KCNIP4: variants seen among roughly 807,000 people sequenced by gnomAD.
The protein encoded by KCNIP4 is potassium voltage-gated channel interacting protein 4.
A neutral mutation model predicts 34.0 loss-of-function variants in KCNIP4; 12 were observed. The observed-to-expected ratio is 0.35, with a 90% CI of 0.23 to 0.57. The LOEUF is 0.57. Among genes scored for constraint, KCNIP4 ranks in the 20% least tolerant of loss-of-function variants. The pLI is 0.83. For synonymous variants in KCNIP4, 124 were observed against 102.2 expected, an observed-to-expected ratio of 1.21 and a Z score of -1.29; for missense variants, 238 against 311.7, an observed-to-expected ratio of 0.76 and a Z score of 1.78.
chr4:21,075,404 G>T (rs937584914), intron 1 of KCNIP4, among the ~76,000 whole-genome samples: 1 of 152,014 alleles, frequency 6.6e-6, no homozygotes, highest in Non-Finnish European at 1.5e-5. Flanking sequence ...GGCCTTCTTT[G>T]TCTCTTTTGA....
chr4:21,280,795 G>A (rs992305173), intron 1 of KCNIP4, among the ~76,000 whole-genome samples: 10 of 152,276 alleles, frequency 6.6e-5, no homozygotes, highest in Non-Finnish European at 8.8e-5. Flanking sequence ...TCACTACATG[G>A]TAGTACTGGG....
chr4:20,831,255 T>C (rs1369589895), intron 3 of KCNIP4, among the ~76,000 whole-genome samples: 1 of 152,202 alleles, frequency 6.6e-6, no homozygotes, highest in Non-Finnish European at 1.5e-5. Flanking sequence ...AAGTGGATAA[T>C]AATATCTCCA....
intron 1 of KCNIP4, among the ~76,000 whole-genome samples, chr4:21,757,377 G>A (rs1389631114): frequency 6.6e-6 from 1 of 152,158 alleles, no homozygotes; most frequent in East Asian, 1.9e-4. Context: ...TCTGACAACA[G>A]AGAACGTAAG....
chr4:21,028,919 A>C (rs1411950833), intron 1 of KCNIP4, among the ~76,000 whole-genome samples: 4 of 152,310 alleles, frequency 2.6e-5, no homozygotes, highest in South Asian at 2.1e-4. Flanking sequence ...AGTGAACTTC[A>C]TGTTGCTCTA....
chr4:21,512,558 TAAG>T (rs1181222856), intron 1 of KCNIP4, among the ~76,000 whole-genome samples: 6 of 152,080 alleles, frequency 3.9e-5, no homozygotes, highest in Non-Finnish European at 8.8e-5. Flanking sequence ...AGCAGAGACT[TAAG>T]AAGTGGAAAA....
chr4:21,146,824 T>C (rs982467435), intron 1 of KCNIP4, among the ~76,000 whole-genome samples: 2 of 152,216 alleles, frequency 1.3e-5, no homozygotes, highest in Non-Finnish European at 2.9e-5. Context: ...CTAAGCATAA[T>C]TGAAGTCATA....
At chr4:21,571,944 T>C (rs995349649) in intron 1 of KCNIP4, among the ~76,000 whole-genome samples, 2 of 152,154 alleles carry the variant, frequency 1.3e-5, no homozygotes, top group East Asian at 1.9e-4. Context: ...CACTATTTCA[T>C]TGAAGAAACA....
intron 1 of KCNIP4, among the ~76,000 whole-genome samples, chr4:21,865,593 G>T (rs1725366690): frequency 6.6e-6 from 1 of 151,996 alleles, no homozygotes; most frequent in Non-Finnish European, 1.5e-5. Flanking sequence ...GCCCAGGCTG[G>T]AGTGCAATGG....
chr4:20,935,172 C>T (rs925367966), intron 1 of KCNIP4, among the ~76,000 whole-genome samples: 1 of 152,148 alleles, frequency 6.6e-6, no homozygotes, highest in African/African-American at 2.4e-5. Context: ...AAAGGTCATA[C>T]TCATAGGGTC....
intron 1 of KCNIP4, among the ~76,000 whole-genome samples, chr4:21,028,433 T>C (rs527331160): frequency 6.6e-6 from 1 of 152,300 alleles, no homozygotes; most frequent in African/African-American, 2.4e-5. Flanking sequence ...GGCTTCCATA[T>C]TCCTCTGGCT....
intron 1 of KCNIP4, among the ~76,000 whole-genome samples, chr4:21,036,978 G>A (rs1008488248): frequency 3.3e-5 from 5 of 151,978 alleles, no homozygotes; most frequent in Admixed American, 2.0e-4. Context: ...GCTAATGTGT[G>A]TGTTTGTGTC....
intron 1 of KCNIP4, among the ~76,000 whole-genome samples, chr4:21,143,312 GT>G (rs1306637297): frequency 1.3e-5 from 2 of 152,214 alleles, no homozygotes; most frequent in African/African-American, 4.8e-5. Context: ...TCCATTGCTG[GT>G]TTGCAGATAG....
At chr4:21,922,960 GA>G (rs1350580226) in intron 1 of KCNIP4, among the ~76,000 whole-genome samples, 2 of 152,118 alleles carry the variant, frequency 1.3e-5, no homozygotes, top group African/African-American at 2.4e-5. Context: ...TGAATTCAAG[GA>G]CACTGCTTCC....
intron 1 of KCNIP4, among the ~76,000 whole-genome samples, chr4:21,924,573 G>T (rs1378665921): frequency 2.0e-5 from 3 of 152,018 alleles, no homozygotes; most frequent in Non-Finnish European, 4.4e-5. Context: ...CAGCCACATG[G>T]TCTTTGGATT....
Position 21,393,564 on chromosome 4 carries a change from C to T in KCNIP4, c.62-510855G>A, listed in dbSNP as rs959990410. Among the ~76,000 whole-genome samples, 4 of 152,194 alleles carry T rather than the reference C, an allele frequency of 2.6e-5. No homozygotes were observed. In the South Asian group the frequency reaches 8.3e-4, roughly 32 times the overall value. ...GATGCAAGGATTTCAGTATCTCAGA[C>T]CTGATATCCATTAGCACCTTGGTAC... On this transcript the variant is annotated intron_variant, in intron 1 of 8. Transcript: ENST00000382152.
intron 1 of KCNIP4, chr4:21,697,612 T>C (rs1712482606): frequency 7.4e-7 from 1 of 1,352,710 alleles, no homozygotes; most frequent in Non-Finnish European, 9.4e-7. Context: ...TCCTTTAAAA[T>C]GCTAGAGAAG....
At chr4:21,584,985 C>A (rs1223336120) in intron 1 of KCNIP4, among the ~76,000 whole-genome samples, 1 of 152,034 alleles carries the variant, frequency 6.6e-6, no homozygotes, top group Non-Finnish European at 1.5e-5. Context: ...GTGGAGAAAG[C>A]AAGTGGCCCA....
chr4:21,061,840 T>C (rs1227410706), intron 1 of KCNIP4, among the ~76,000 whole-genome samples: 1 of 152,014 alleles, frequency 6.6e-6, no homozygotes, highest in Non-Finnish European at 1.5e-5. Context: ...GTCTTTAGGG[T>C]AAGCCCTAAT....
chr4:20,943,291 T>C (rs1577406361), intron 1 of KCNIP4, among the ~76,000 whole-genome samples: 1 of 152,186 alleles, frequency 6.6e-6, no homozygotes, highest in African/African-American at 2.4e-5. Flanking sequence ...CAGCTACAAA[T>C]GCTCTTAGAA....
Sources: gnomAD v4.1 joint callset for allele counts (sites outside exome capture counted in the v4.1 genomes callset) on GRCh38, gnomAD v4.1.1 for gene constraint, MANE v1.5 for transcripts, NCBI Gene and HGNC (gene_info 2026-07-23, HGNC 2026-07-21) for gene names.